The following IL1RAPL1 variants were observed in gnomAD, a reference collection of about 807,000 sequenced individuals.
IL1RAPL1 encodes the protein interleukin 1 receptor accessory protein like 1.
In IL1RAPL1, 3 loss-of-function variants were observed where a neutral mutation model predicts 48.4. The ratio of observed to expected loss-of-function variants is 0.06; its 90% CI spans 0.03 to 0.16. The LOEUF (loss-of-function observed/expected upper bound fraction) is 0.16, where lower values mean the gene tolerates loss of function less well. Among genes scored for constraint, IL1RAPL1 ranks in the 10% least tolerant of loss-of-function variants. IL1RAPL1 has a pLI of 1.00. For synonymous variants in IL1RAPL1, 185 were observed against 187.7 expected, an observed-to-expected ratio of 0.99 and a Z score of 0.12; for missense variants, 349 against 530.6, an observed-to-expected ratio of 0.66 and a Z score of 3.36.
intron 2 of IL1RAPL1, among the ~76,000 whole-genome samples, chrX:29,129,593 T>TTTTTC (rs1928976246): frequency 1.3e-5 from 1 of 78,230 alleles, no homozygotes; most frequent in Non-Finnish European, 2.5e-5. Context: ...TGTAAATTTT[T>TTTTTC]TTTTTTTTTT....
At chrX:29,803,407 G>GTATACACATATGTATATATGTA (rs1930145419) in intron 6 of IL1RAPL1, among the ~76,000 whole-genome samples, 2 of 81,055 alleles carry the variant, frequency 2.5e-5, no homozygotes, top group African/African-American at 1.1e-4. Flanking sequence ...GTATATATGT[G>GTATACACATATGTATATATGTA]TATATGTGTA....
At chrX:29,713,292 C>T (rs563853978) in intron 6 of IL1RAPL1, among the ~76,000 whole-genome samples, 2 of 111,534 alleles carry the variant, frequency 1.8e-5, no homozygotes, top group African/African-American at 6.5e-5. Context: ...AAATAGTGAT[C>T]AGTGTATACT....
At chrX:28,618,742 A>G (rs1394430230) in intron 1 of IL1RAPL1, among the ~76,000 whole-genome samples, 2 of 112,311 alleles carry the variant, frequency 1.8e-5, no homozygotes, top group Non-Finnish European at 1.9e-5. Flanking sequence ...TAACTTTTCA[A>G]TTTCTTATTA....
chrX:28,889,293 C>T (rs192067572), intron 2 of IL1RAPL1, among the ~76,000 whole-genome samples: 75 of 111,212 alleles, frequency 6.7e-4, no homozygotes, highest in African/African-American at 2.3e-3. Flanking sequence ...TTTCTTAGAT[C>T]GTAAGGCAAA....
chrX:29,366,670 G>A (rs927445284), intron 3 of IL1RAPL1, among the ~76,000 whole-genome samples: 6 of 97,188 alleles, frequency 6.2e-5, no homozygotes, highest in Non-Finnish European at 1.2e-4. Flanking sequence ...CCGGGTTCAT[G>A]CCATTCTCCT....
At chrX:29,090,160 G>T (rs182703280) in intron 2 of IL1RAPL1, among the ~76,000 whole-genome samples, 1 of 110,520 alleles carries the variant, frequency 9.0e-6, no homozygotes, top group East Asian at 2.8e-4. Context: ...CTTTTTCACT[G>T]TGCAATAATA....
At chrX:29,305,705 A>C (rs1373424924) in intron 3 of IL1RAPL1, among the ~76,000 whole-genome samples, 1 of 111,667 alleles carries the variant, frequency 9.0e-6, no homozygotes, top group African/African-American at 3.3e-5. Context: ...CTGTAGGAGA[A>C]GTGATAATCA....
intron 1 of IL1RAPL1, among the ~76,000 whole-genome samples, chrX:28,732,954 G>C (rs1384244495): frequency 1.8e-5 from 2 of 111,346 alleles, no homozygotes; most frequent in African/African-American, 3.3e-5. Flanking sequence ...CAGATTACCT[G>C]GATTAATTCC....
Position 29,879,357 on chromosome X carries a change from A to G in IL1RAPL1, c.779-38107A>G, listed in dbSNP as rs111625098. Among the ~76,000 whole-genome samples, 599 of 83,981 alleles carry G rather than the reference A, an allele frequency of 7.1e-3. 5 individuals carry two copies. Among genetic ancestry groups the G allele is most frequent in the African/African-American group, 0.023 (540 of 23,197 alleles). 72.9% of individuals were successfully genotyped at this position (83,981 alleles called of 115,157 possible). On this transcript the variant is annotated intron_variant, in intron 6 of 10. Coordinates refer to ENST00000378993, the MANE Select transcript of IL1RAPL1 (RefSeq NM_014271.4). ...GGGTGTTGGGGTGGTAGTTTTATATATGTGTGTGTGTGTGTGTGTGTGTGT... is the reference window on the plus strand; with the variant it reads ...GGGTGTTGGGGTGGTAGTTTTATATGTGTGTGTGTGTGTGTGTGTGTGTGT...
intron 5 of IL1RAPL1, among the ~76,000 whole-genome samples, chrX:29,519,259 A>C (rs988322127): frequency 9.0e-5 from 10 of 111,710 alleles, no homozygotes; most frequent in Admixed American, 4.8e-4. Context: ...AATTCAGCGA[A>C]AGGACCGTGC....
chrX:29,221,668 C>T (rs1602119448), intron 2 of IL1RAPL1, among the ~76,000 whole-genome samples: 1 of 86,916 alleles, frequency 1.2e-5, no homozygotes, highest in South Asian at 5.2e-4. Flanking sequence ...CACACACACA[C>T]ACACATATGA....
At chrX:28,749,406 C>G (rs1936013410) in intron 1 of IL1RAPL1, among the ~76,000 whole-genome samples, 1 of 111,648 alleles carries the variant, frequency 9.0e-6, no homozygotes, top group Middle Eastern at 4.3e-3. Flanking sequence ...CCCTTTTCTC[C>G]AAATGCTCAC....
intron 3 of IL1RAPL1, among the ~76,000 whole-genome samples, chrX:29,307,503 G>A (rs192378507): frequency 1.8e-5 from 2 of 111,634 alleles, no homozygotes; most frequent in Admixed American, 1.9e-4. Context: ...CATAACAGCA[G>A]AGAAAAAAGA....
intron 5 of IL1RAPL1, among the ~76,000 whole-genome samples, chrX:29,602,383 G>T (rs1923754763): frequency 8.9e-6 from 1 of 111,774 alleles, no homozygotes; most frequent in Admixed American, 9.5e-5. Flanking sequence ...GTTCCACACT[G>T]TGTTTTTGAC....
chrX:29,746,517 G>T (rs1461067331), intron 6 of IL1RAPL1, among the ~76,000 whole-genome samples: 1 of 112,029 alleles, frequency 8.9e-6, no homozygotes, highest in South Asian at 3.7e-4. Flanking sequence ...ATATTCCTGG[G>T]TGTTTTGAGG....
intron 1 of IL1RAPL1, among the ~76,000 whole-genome samples, 158 bp downstream of exon 1, chrX:28,588,205 TATGTGTGTG>T (rs776759549): frequency 0.062 from 5,764 of 93,298 alleles, 147 homozygotes; most frequent in Middle Eastern, 0.084. Flanking sequence ...GGTGTGTTGA[TATGTGTGTG>T]TGTGTGTGTG....
intron 5 of IL1RAPL1, among the ~76,000 whole-genome samples, chrX:29,481,089 A>G (rs981766310): frequency 8.9e-6 from 1 of 112,503 alleles, no homozygotes; most frequent in African/African-American, 3.2e-5. Context: ...AAAATATTCT[A>G]AAATCAGCCA....
intron 5 of IL1RAPL1, among the ~76,000 whole-genome samples, chrX:29,561,918 A>G (rs1391172427): frequency 1.8e-5 from 2 of 111,709 alleles, no homozygotes; most frequent in East Asian, 5.6e-4. Context: ...ACCTTCTTTA[A>G]TGATGTAGTT....
At chrX:28,923,323 A>G (rs1334790563) in intron 2 of IL1RAPL1, among the ~76,000 whole-genome samples, 2 of 110,179 alleles carry the variant, frequency 1.8e-5, no homozygotes, top group African/African-American at 6.6e-5. Context: ...ATTACAGGCA[A>G]GCACCACCAC....
Sources: allele counts gnomAD v4.1 joint callset (sites outside exome capture counted in the v4.1 genomes callset), GRCh38; gene constraint gnomAD v4.1.1; transcripts MANE v1.5; gene names NCBI Gene and HGNC (gene_info 2026-07-23, HGNC 2026-07-21).